Variants in KIAA1958 observed in about 807,000 individuals in gnomAD.
KIAA1958 encodes the protein KIAA1958.
Under a neutral mutation model 47.2 loss-of-function variants are expected in KIAA1958, and 14 were observed. The observed-to-expected ratio is 0.30, with a 90% CI of 0.20 to 0.46. The LOEUF (loss-of-function observed/expected upper bound fraction) is 0.46, where lower values mean the gene tolerates loss of function less well. Ranked by LOEUF, KIAA1958 falls within the 20% of genes least tolerant of loss-of-function variation. The pLI is 1.00. For synonymous variants in KIAA1958, 354 were observed against 353.3 expected (o/e 1.00, Z -0.02); for missense variants, 803 against 909.2 (o/e 0.88, Z 1.50).
intron 3 of KIAA1958, among the ~76,000 whole-genome samples, chr9:112,659,058 AAAG>A (rs1210819548): frequency 6.6e-6 from 1 of 151,788 alleles, no homozygotes; most frequent in Non-Finnish European, 1.5e-5. Flanking sequence ...AGAAAAGAAA[AAAG>A]AAATACTGAG....
At chr9:112,488,804 T>A (rs1167840293) in intron 1 of KIAA1958, among the ~76,000 whole-genome samples, 1 of 152,224 alleles carries the variant, frequency 6.6e-6, no homozygotes, top group Non-Finnish European at 1.5e-5. Flanking sequence ...TTTGTCATTA[T>A]AAAAAGTTTA....
chr9:112,645,319 G>A (rs1179482163), intron 2 of KIAA1958, among the ~76,000 whole-genome samples: 1 of 152,010 alleles, frequency 6.6e-6, no homozygotes, highest in Non-Finnish European at 1.5e-5. Flanking sequence ...TATTTTTTCA[G>A]TGAAAATTTT....
chr9:112,583,855 A>T (rs1259396838), intron 2 of KIAA1958, among the ~76,000 whole-genome samples: 1 of 152,196 alleles, frequency 6.6e-6, no homozygotes, highest in Non-Finnish European at 1.5e-5. Context: ...AAACAGGTAC[A>T]TGGGAAGCTT....
At chr9:112,505,681 T>A (rs1834222568) in intron 1 of KIAA1958, among the ~76,000 whole-genome samples, 1 of 152,226 alleles carries the variant, frequency 6.6e-6, no homozygotes, top group Non-Finnish European at 1.5e-5. Context: ...TATCAAATTT[T>A]GTTGAAAAGG....
chr9:112,522,291 A>G (rs1277393698), intron 1 of KIAA1958, among the ~76,000 whole-genome samples: 1 of 152,178 alleles, frequency 6.6e-6, no homozygotes, highest in African/African-American at 2.4e-5. Context: ...CTTTTTCCTA[A>G]GAAACTGTAG....
intron 2 of KIAA1958, among the ~76,000 whole-genome samples, chr9:112,616,644 T>C (rs1237293589): frequency 6.6e-6 from 1 of 152,200 alleles, no homozygotes; most frequent in African/African-American, 2.4e-5. Flanking sequence ...GCGTAGCCTG[T>C]TTCTGTTTTT....
chr9:112,606,747 A>G (rs1836243281), intron 2 of KIAA1958, among the ~76,000 whole-genome samples: 1 of 152,220 alleles, frequency 6.6e-6, no homozygotes, highest in African/African-American at 2.4e-5. Flanking sequence ...CCAGATCTTC[A>G]GGATTAAAAC....
chr9:112,606,152 T>C (rs1836230561), intron 2 of KIAA1958, among the ~76,000 whole-genome samples: 1 of 152,074 alleles, frequency 6.6e-6, no homozygotes, highest in Non-Finnish European at 1.5e-5. Flanking sequence ...GTATCAAGGA[T>C]GGTGTGCAGG....
intron 1 of KIAA1958, among the ~76,000 whole-genome samples, chr9:112,540,160 T>G (rs1427561974): frequency 6.6e-6 from 1 of 152,140 alleles, no homozygotes; most frequent in Non-Finnish European, 1.5e-5. Context: ...GGAATAAATA[T>G]GGAAGGATAT....
At chr9:112,573,069 A>T (rs1405918458) in intron 1 of KIAA1958, among the ~76,000 whole-genome samples, 3 of 152,254 alleles carry the variant, frequency 2.0e-5, no homozygotes, top group East Asian at 3.9e-4. Context: ...CTCTTGGCAG[A>T]GCCTTACTAA....
intron 2 of KIAA1958, 102 bp from the exon 3 acceptor site, chr9:112,645,548 T>A: frequency 5.6e-6 from 4 of 714,006 alleles, no homozygotes. Flanking sequence ...TGTTTTAAAG[T>A]GTTGTCTTTT....
intron 2 of KIAA1958, among the ~76,000 whole-genome samples, chr9:112,588,557 T>C (rs1835868676): frequency 6.6e-6 from 1 of 152,194 alleles, no homozygotes; most frequent in Admixed American, 6.5e-5. Context: ...TAGAGACAAA[T>C]CTCACAATTA....
At chr9:112,638,287 T>A (rs1372086743) in intron 2 of KIAA1958, among the ~76,000 whole-genome samples, 1 of 152,112 alleles carries the variant, frequency 6.6e-6, no homozygotes, top group Non-Finnish European at 1.5e-5. Flanking sequence ...GGCAAATCGG[T>A]TGAAGCCAGA....
At chr9:112,493,402 C>T (rs188265279) in intron 1 of KIAA1958, among the ~76,000 whole-genome samples, 131 of 152,224 alleles carry the variant, frequency 8.6e-4, no homozygotes, top group Admixed American at 1.8e-3. Flanking sequence ...TTCTTTTATT[C>T]CTTAGCTCAG....
intron 1 of KIAA1958, among the ~76,000 whole-genome samples, chr9:112,495,045 A>G (rs1354921289): frequency 6.6e-6 from 1 of 151,712 alleles, no homozygotes; most frequent in Non-Finnish European, 1.5e-5. Flanking sequence ...CAGCTTCCCA[A>G]GTAGCTAGGA....
At chr9:112,541,753 C>T (rs995791083) in intron 1 of KIAA1958, among the ~76,000 whole-genome samples, 1 of 151,846 alleles carries the variant, frequency 6.6e-6, no homozygotes, top group African/African-American at 2.4e-5. Flanking sequence ...TGCAGTGAAC[C>T]GAAATTGCAC....
At position 112,574,310 on chromosome 9, in the gene KIAA1958, A is replaced by G. The variant is rs760503454; in HGVS notation, c.230A>G (p.Asn77Ser). 39 of 1,614,156 alleles carry G rather than the reference A, an allele frequency of 2.4e-5. 1 individual carries two copies. The South Asian group carries it at 4.1e-4, about 17-fold the overall frequency. Residue 77 changes from asparagine to serine, a missense_variant, in exon 2 of 4, where the codon AAC (asparagine) becomes AGC (serine). By Grantham distance (46) the Asn-to-Ser change is conservative. Transcript: ENST00000337530. ...GSQERVCFQD[N>S]RSFNSDSPSI... ...CAAGAGAGGGTCTGTTTCCAGGATA[A>G]CAGAAGTTTTAACTCTGATAGTCCC... is the stretch of plus-strand genomic sequence containing the variant.
chr9:112,536,160 A>C (rs1834851678), intron 1 of KIAA1958, among the ~76,000 whole-genome samples: 1 of 152,228 alleles, frequency 6.6e-6, no homozygotes, highest in Non-Finnish European at 1.5e-5. Flanking sequence ...TTTCCCATGA[A>C]CATTTTAGAG....
chr9:112,488,522 T>A (rs1833909221), intron 1 of KIAA1958, among the ~76,000 whole-genome samples: 2 of 152,180 alleles, frequency 1.3e-5, no homozygotes, highest in African/African-American at 4.8e-5. Context: ...GGAAACTCTT[T>A]TTTGCCCACC....
Sources: allele counts gnomAD v4.1 joint callset (sites outside exome capture counted in the v4.1 genomes callset), GRCh38; gene constraint gnomAD v4.1.1; transcripts MANE v1.5; gene names NCBI Gene and HGNC (gene_info 2026-07-23, HGNC 2026-07-21).